Variants in STK24 observed in about 807,000 individuals in gnomAD.
The protein encoded by STK24 is serine/threonine-protein kinase 24.
Under a neutral mutation model 55.6 loss-of-function variants are expected in STK24, and 21 were observed. The ratio of observed to expected loss-of-function variants is 0.38; its 90% CI spans 0.27 to 0.54. STK24 has a LOEUF of 0.54. STK24 is among the 20% of genes least tolerant of loss of function. The pLI, the probability that STK24 is intolerant of heterozygous loss-of-function variation, is 0.79. For missense variants in STK24, 383 were observed against 538.4 expected, an observed-to-expected ratio of 0.71 and a Z score of 2.86; for synonymous variants, 200 against 215.2, an observed-to-expected ratio of 0.93 and a Z score of 0.62.
chr13:98,574,125 C>T (rs1304087978), intron 1 of STK24, among the ~76,000 whole-genome samples: 1 of 152,186 alleles, frequency 6.6e-6, no homozygotes, highest in Non-Finnish European at 1.5e-5. Context: ...GATTCTCCTG[C>T]CTCAGCCTCC....
chr13:98,453,219 A>AAG lies in STK24; in HGVS notation c.1260-12_1260-11dup, dbSNP rs748089047. The AAG allele has an allele frequency of 2.0e-5, 32 of 1,610,058 alleles. No individual in the cohort carries two copies. Among genetic ancestry groups the AAG allele is most frequent in the East Asian group, 4.5e-5 (2 of 44,750 alleles). ...ACCACTTAGAGAGTATCTAGGGAAA[A>AAG]AGAGAGAGAGAGAAGTCAACACATG... On this transcript the variant is annotated splice_polypyrimidine_tract_variant and intron_variant, in intron 10 of 10. Transcript: ENST00000539966.
At chr13:98,504,641 T>C (rs1196634018) in intron 2 of STK24, among the ~76,000 whole-genome samples, 1 of 152,016 alleles carries the variant, frequency 6.6e-6, no homozygotes, top group Non-Finnish European at 1.5e-5. Flanking sequence ...TGTGGAGTCG[T>C]CGGTGACTAT....
intron 1 of STK24, among the ~76,000 whole-genome samples, chr13:98,575,257 T>G (rs897343955): frequency 6.6e-6 from 1 of 152,166 alleles, no homozygotes; most frequent in Non-Finnish European, 1.5e-5. Flanking sequence ...CATGCTAAAT[T>G]CAACGCTCCT....
At chr13:98,476,259 A>G (rs1894372258) in intron 3 of STK24, among the ~76,000 whole-genome samples, 1 of 112,118 alleles carries the variant, frequency 8.9e-6, no homozygotes, top group South Asian at 3.1e-4. Context: ...CGCCCCCTGC[A>G]GAGTGGGGCA....
In STK24 at chr13:98,446,674, T is replaced by A. The variant is rs1271134394; in HGVS notation, c.*6499A>T. The A allele has an allele frequency of 3.1e-6, 5 of 1,613,856 alleles. No individual in the cohort carries two copies. The highest frequency in any genetic ancestry group is 2.7e-5 in the African/African-American group (2 of 74,876). On this transcript the variant is annotated 3_prime_UTR_variant, in exon 11 of 11. Transcript: ENST00000539966. The stretch of plus-strand genomic sequence containing the variant: ...TTGTTTCCCCTTTCCAGGACAATCA[T>A]CCCCTTGCCAGCCTGCCTCTGCTCG...
chr13:98,494,481 C>T (rs1371540496), intron 2 of STK24, among the ~76,000 whole-genome samples: 4 of 146,208 alleles, frequency 2.7e-5, no homozygotes, highest in African/African-American at 1.0e-4. Context: ...GGTTCACAAA[C>T]AGCAAATGCT....
chr13:98,479,676 G>A lies in STK24; in HGVS notation c.330+2589C>T, dbSNP rs998353538. Among the ~76,000 whole-genome samples the A allele has an allele frequency of 2.6e-4, 39 of 152,184 alleles. 1 individual carries two copies. The highest frequency in any genetic ancestry group is 9.2e-4 in the African/African-American group (38 of 41,442). ...ACTTCCCCTCTCTAGGGTGCCCCAG[G>A]CATCTGTAAATTTCCAGATGGACTT... is the stretch of plus-strand genomic sequence containing the variant. On this transcript the variant is annotated intron_variant, in intron 3 of 10. Coordinates refer to ENST00000539966, the MANE Select transcript of STK24 (RefSeq NM_001032296.4).
intron 1 of STK24, among the ~76,000 whole-genome samples, chr13:98,537,413 G>A (rs1410529090): frequency 6.6e-6 from 1 of 152,236 alleles, no homozygotes; most frequent in African/African-American, 2.4e-5. Flanking sequence ...CCGGCACACG[G>A]GAGACCTCAA....
chr13:98,460,950 A>G (rs987378540), intron 8 of STK24, among the ~76,000 whole-genome samples: 9 of 151,516 alleles, frequency 5.9e-5, no homozygotes, highest in African/African-American at 1.9e-4. Context: ...CAGGAGGCTG[A>G]GGTGGGAGGA....
intron 5 of STK24, among the ~76,000 whole-genome samples, chr13:98,473,238 G>A (rs1275072694): frequency 3.6e-4 from 1 of 2,792 alleles, no homozygotes; most frequent in African/African-American, 7.2e-4. Context: ...AATAATGAAA[G>A]AGAGAGAAAG....
chr13:98,494,412 CAAA>C (rs1162677599), intron 2 of STK24, among the ~76,000 whole-genome samples: 1 of 66,726 alleles, frequency 1.5e-5, no homozygotes, highest in Non-Finnish European at 3.0e-5. Context: ...AGACTCGTCT[CAAA>C]AAAAAAAAAA....
rs770144781 is a variant in STK24 at position 98,457,156 on chromosome 13, C to G, written c.1259+12G>C. 3 of 1,608,956 alleles carry G rather than the reference C, an allele frequency of 1.9e-6. No homozygotes were observed. Among genetic ancestry groups the G allele is most frequent in the Admixed American group, 1.7e-5 (1 of 59,706 alleles). On this transcript the variant is annotated intron_variant, in intron 10 of 10. Transcript: ENST00000539966. ...TCTCCTTCCCCAGCCCAGAGGGGCC[C>G]TGGGTAGTTACCTCTGGAGCCGCTG... is the stretch of plus-strand genomic sequence containing the variant.
At chr13:98,478,643 T>G (rs1894473121) in intron 3 of STK24, among the ~76,000 whole-genome samples, 1 of 152,240 alleles carries the variant, frequency 6.6e-6, no homozygotes, top group African/African-American at 2.4e-5. Context: ...TGATGGCAAC[T>G]TGGCCTAAAC....
intron 6 of STK24, among the ~76,000 whole-genome samples, chr13:98,464,602 TC>T (rs1893860342): frequency 6.7e-6 from 1 of 149,590 alleles, no homozygotes; most frequent in Non-Finnish European, 1.5e-5. Flanking sequence ...TTCAAACGAT[TC>T]TCCTGCCTCA....
chr13:98,539,096 A>G (rs1594652820), intron 1 of STK24, among the ~76,000 whole-genome samples: 1 of 152,170 alleles, frequency 6.6e-6, no homozygotes, highest in Non-Finnish European at 1.5e-5. Context: ...TCAAAGGCTC[A>G]GCCTGCTGCG....
chr13:98,540,965 T>C (rs1177937348), intron 1 of STK24, among the ~76,000 whole-genome samples: 2 of 152,046 alleles, frequency 1.3e-5, no homozygotes, highest in African/African-American at 2.4e-5. Flanking sequence ...ACAAGGTTAT[T>C]GGGCATCTGA....
At chr13:98,543,301 GCT>G (rs1896938726) in intron 1 of STK24, among the ~76,000 whole-genome samples, 2 of 152,270 alleles carry the variant, frequency 1.3e-5, no homozygotes, top group East Asian at 1.9e-4. Flanking sequence ...CTTAACTGCG[GCT>G]CTCTCAGTAC....
At chr13:98,489,829 G>C (rs978191211) in intron 2 of STK24, among the ~76,000 whole-genome samples, 2 of 152,160 alleles carry the variant, frequency 1.3e-5, no homozygotes, top group African/African-American at 4.8e-5. Flanking sequence ...ATAAGCAATG[G>C]GAAGTCAGCG....
intron 2 of STK24, among the ~76,000 whole-genome samples, chr13:98,500,968 T>C (rs573265023): frequency 1.3e-5 from 2 of 152,132 alleles, no homozygotes; most frequent in East Asian, 3.9e-4. Flanking sequence ...GAGTAAAACA[T>C]GCGCGTCCAT....
Sources: gnomAD v4.1 joint callset for allele counts (sites outside exome capture counted in the v4.1 genomes callset) on GRCh38, gnomAD v4.1.1 for gene constraint, MANE v1.5 for transcripts, NCBI Gene and HGNC (gene_info 2026-07-23, HGNC 2026-07-21) for gene names.